ZYG11A: variants seen among roughly 807,000 people sequenced by gnomAD.
ZYG11A encodes zyg-11 family member A, cell cycle regulator.
In ZYG11A, 62 loss-of-function variants were observed where a neutral mutation model predicts 77.2. That is an observed-to-expected ratio of 0.80 (90% confidence interval 0.65 to 0.99). The LOEUF is 0.99. Ranked by LOEUF, ZYG11A falls within the 50% of genes least tolerant of loss-of-function variation. ZYG11A has a pLI of 0.00. For missense variants in ZYG11A, 828 were observed against 896.8 expected, an observed-to-expected ratio of 0.92 and a Z score of 0.98; for synonymous variants, 315 against 324.6, an observed-to-expected ratio of 0.97 and a Z score of 0.32.
intron 1 of ZYG11A, among the ~76,000 whole-genome samples, chr1:52,850,628 G>T (rs1312989304): frequency 6.6e-6 from 1 of 152,090 alleles, no homozygotes; most frequent in East Asian, 1.9e-4. Flanking sequence ...TCTAATTTTT[G>T]TATTTTTAAT....
chr1:52,853,733 G>A (rs1645756563), intron 1 of ZYG11A, among the ~76,000 whole-genome samples: 1 of 151,878 alleles, frequency 6.6e-6, no homozygotes, highest in Non-Finnish European at 1.5e-5. Flanking sequence ...CAACAAAGTG[G>A]GACTCTATAA....
intron 8 of ZYG11A, among the ~76,000 whole-genome samples, chr1:52,875,084 T>C (rs1244363367): frequency 6.6e-6 from 1 of 152,130 alleles, no homozygotes. Flanking sequence ...GCATCCAAAG[T>C]GCATTAGAAG....
chr1:52,889,705 T>C (rs968969147), intron 13 of ZYG11A, among the ~76,000 whole-genome samples: 32 of 140,738 alleles, frequency 2.3e-4, no homozygotes, highest in Admixed American at 2.3e-3. Context: ...TTCAATTTGC[T>C]AAATACCATT....
intron 1 of ZYG11A, among the ~76,000 whole-genome samples, chr1:52,846,311 TA>T (rs1259022651): frequency 0.011 from 13 of 1,192 alleles, no homozygotes; most frequent in East Asian, 0.033. Context: ...TTTAAATTTT[TA>T]TATATATATA....
intron 8 of ZYG11A, among the ~76,000 whole-genome samples, chr1:52,871,883 T>A (rs1265959305): frequency 6.6e-6 from 1 of 152,220 alleles, no homozygotes; most frequent in Non-Finnish European, 1.5e-5. Flanking sequence ...ATTTCCCCTA[T>A]CTTGGAACAA....
chr1:52,866,685 AGAGAAGT>A (rs1646032923), intron 6 of ZYG11A, 118 bp downstream of exon 6: 3 of 605,886 alleles, frequency 5.0e-6, no homozygotes, highest in Admixed American at 6.1e-5. Flanking sequence ...CATCTTCCAC[AGAGAAGT>A]GATTAGAAGT....
At position 52,890,289 on chromosome 1, in the gene ZYG11A, C is replaced by T. The variant is rs77839715; in HGVS notation, c.2105-2493C>T. On this transcript the variant is annotated intron_variant, in intron 13 of 13. Transcript: ENST00000371528. ...TTTTTTTTTTGGAGACAGTCTCTGT[C>T]GCCCAGACTGGAGTGCAGTGGCGTG... 5.0e-3 allele frequency among the ~76,000 whole-genome samples: 565 copies of T among 113,404 alleles called. 10 individuals are homozygous for T. Among genetic ancestry groups the T allele is most frequent in the African/African-American group, 0.019 (532 of 28,188 alleles). 74.4% of individuals were successfully genotyped at this position (113,404 alleles called of 152,430 possible).
intron 8 of ZYG11A, among the ~76,000 whole-genome samples, chr1:52,868,603 A>C (rs2150006577): frequency 6.6e-6 from 1 of 151,866 alleles, no homozygotes; most frequent in East Asian, 2.0e-4. Flanking sequence ...AACGTGGTGA[A>C]ACCCCGTCTC....
chr1:52,854,603 C>G lies in ZYG11A; in HGVS notation c.229C>G (p.Arg77Gly), dbSNP rs761367794. The change falls in exon 2 of 14, where the codon CGA (arginine) becomes GGA (glycine). Residue 77 changes from arginine (R) to glycine (G), a missense_variant. Coordinates refer to ENST00000371528, the MANE Select transcript of ZYG11A (RefSeq NM_001004339.3). ...HWSFPQEVAE[R>G]FLRVMTWQGK... The stretch of plus-strand genomic sequence containing the variant: ...GAGTTTCCCTCAGGAAGTAGCCGAG[C>G]GATTTCTCAGGGTGATGACTTGGCA... 4 of 1,542,886 alleles carry G rather than the reference C, an allele frequency of 2.6e-6. No individual in the cohort carries two copies. The African/African-American group carries it at 4.1e-5, about 16-fold the overall frequency.
rs1238073850 is a variant in ZYG11A, at chr1:52,894,794, TC to T, written c.*1839del. The T allele has an allele frequency of 1.2e-4, 18 of 152,232 alleles. No individual in the cohort carries two copies. Among genetic ancestry groups the T allele is most frequent in the Non-Finnish European group, 2.9e-5 (2 of 68,048 alleles). The allele number at this position is 152,232 out of a possible 1,614,324, so 9.4% of individuals were successfully genotyped here. On this transcript the variant is annotated 3_prime_UTR_variant, in exon 14 of 14. Transcript: ENST00000371528. ...GTATTTTTTCACACTCTTGCATGAT[TC>T]CAAAAGGATATCTTCCTGACCTGGG...
chr1:52,851,773 A>G (rs1035484373), intron 1 of ZYG11A, among the ~76,000 whole-genome samples: 1 of 151,428 alleles, frequency 6.6e-6, no homozygotes, highest in Non-Finnish European at 1.5e-5. Flanking sequence ...TTTGAGATAT[A>G]GTCTCACTCT....
intron 13 of ZYG11A, among the ~76,000 whole-genome samples, chr1:52,890,493 C>G (rs1052676370): frequency 6.6e-6 from 1 of 151,608 alleles, no homozygotes; most frequent in African/African-American, 2.4e-5. Context: ...CTCAGCCTCC[C>G]AGAGTGCTGG....
intron 8 of ZYG11A, among the ~76,000 whole-genome samples, chr1:52,876,457 A>G (rs1182843425): frequency 6.6e-6 from 1 of 152,338 alleles, no homozygotes; most frequent in South Asian, 2.1e-4. Context: ...TTACGACAAC[A>G]GATAAGTCTC....
intron 8 of ZYG11A, among the ~76,000 whole-genome samples, chr1:52,873,582 G>A (rs1447489268): frequency 1.3e-5 from 2 of 152,210 alleles, no homozygotes; most frequent in African/African-American, 4.8e-5. Flanking sequence ...TCTAGTTCTG[G>A]TGAAGATTCT....
At position 52,854,642 on chromosome 1, in the gene ZYG11A, G is replaced by T; in HGVS notation, c.256+12G>T. 1 of 1,509,080 alleles carries T rather than the reference G, an allele frequency of 6.6e-7. No individual in the cohort carries two copies. The highest frequency in any genetic ancestry group is 8.9e-7 in the Non-Finnish European group (1 of 1,118,636). The allele number at this position is 1,509,080 out of a possible 1,614,324, so 93.5% of individuals were successfully genotyped here. A position where few individuals can be genotyped will look rare whatever the true frequency, so the allele number is the denominator to read the frequency against. On this transcript the variant is annotated intron_variant, in intron 2 of 13. Coordinates refer to ENST00000371528, the MANE Select transcript of ZYG11A (RefSeq NM_001004339.3). The stretch of plus-strand genomic sequence containing the variant: ...GATGACTTGGCAAGGTAGTGATAAG[G>T]CTTCTCTAAAGTCAGCTCTTGCAGT...
intron 10 of ZYG11A, 122 bp from the exon 11 acceptor site, chr1:52,881,349 C>G: frequency 1.6e-6 from 1 of 636,800 alleles, no homozygotes; most frequent in Non-Finnish European, 2.6e-6. Flanking sequence ...GAGGCGGAGG[C>G]GGGTATAAGA....
rs1646598398 is a variant in ZYG11A at position 52,894,901 on chromosome 1, CCAATT to C, written c.*1946_*1950del. 1 of 152,140 alleles carries C rather than the reference CCAATT, an allele frequency of 6.6e-6. No individual in the cohort carries two copies. The highest frequency in any genetic ancestry group is 2.4e-5 in the African/African-American group (1 of 41,438). 9.4% of individuals were successfully genotyped at this position (152,140 alleles called of 1,614,324 possible). A position where few individuals can be genotyped will look rare whatever the true frequency, so the allele number is the denominator to read the frequency against. On this transcript the variant is annotated 3_prime_UTR_variant, in exon 14 of 14. Coordinates refer to ENST00000371528, the MANE Select transcript of ZYG11A (RefSeq NM_001004339.3). ...TGTTAGGGGAACTAGTGTGTTAAGTCCAATTCTGTACAAGACATCCTTTCAAGTTC... is the reference window on the plus strand; with the variant it reads ...TGTTAGGGGAACTAGTGTGTTAAGTCCTGTACAAGACATCCTTTCAAGTTC...
chr1:52,854,348 A>G (rs1645767788), intron 1 of ZYG11A, 117 bp from the exon 2 acceptor site: 1 of 950,488 alleles, frequency 1.1e-6, no homozygotes, highest in Non-Finnish European at 1.5e-6. Flanking sequence ...TTACTAGAGT[A>G]TGAAGGATGT....
At chr1:52,856,896 T>A (rs1358857625) in intron 2 of ZYG11A, 102 bp from the exon 3 acceptor site, 1 of 1,233,688 alleles carries the variant, frequency 8.1e-7, no homozygotes, top group Non-Finnish European at 1.1e-6. Context: ...AATGTTGTCA[T>A]TATTGTTATT....
Sources: gnomAD v4.1 joint callset for allele counts (sites outside exome capture counted in the v4.1 genomes callset) on GRCh38, gnomAD v4.1.1 for gene constraint, MANE v1.5 for transcripts, NCBI Gene and HGNC (gene_info 2026-07-23, HGNC 2026-07-21) for gene names.